The following CPEB3 variants were observed in gnomAD, a reference collection of about 807,000 sequenced individuals.
The protein encoded by CPEB3 is cytoplasmic polyadenylation element binding protein 3, also known as cytoplasmic polyadenylation element-binding protein 3.
A neutral mutation model predicts 67.2 loss-of-function variants in CPEB3; 20 were observed. The ratio of observed to expected loss-of-function variants is 0.30; its 90% CI spans 0.21 to 0.43. CPEB3 has a LOEUF of 0.43. Ranked by LOEUF, CPEB3 falls within the 20% of genes least tolerant of loss-of-function variation. The pLI is 1.00. For synonymous variants in CPEB3, 376 were observed against 393.1 expected (o/e 0.96, Z 0.51); for missense variants, 746 against 968.6 (o/e 0.77, Z 3.05).
chr10:92,141,487 G>C (rs1846418139), intron 6 of CPEB3, among the ~76,000 whole-genome samples: 2 of 151,144 alleles, frequency 1.3e-5, no homozygotes, highest in Admixed American at 6.6e-5. Flanking sequence ...GTTGTGGGGT[G>C]GGGGGATGGG....
At chr10:92,064,175 AT>A (rs912472739) in intron 9 of CPEB3, among the ~76,000 whole-genome samples, 2 of 152,196 alleles carry the variant, frequency 1.3e-5, no homozygotes, top group Non-Finnish European at 2.9e-5. Context: ...ACTTGAGGTC[AT>A]GGGTGTGAAG....
intron 4 of CPEB3, among the ~76,000 whole-genome samples, chr10:92,174,190 C>T (rs1371763023): frequency 6.6e-6 from 1 of 152,198 alleles, no homozygotes; most frequent in Non-Finnish European, 1.5e-5. Flanking sequence ...TCCCTCTCTG[C>T]CACTTCCTCT....
intron 1 of CPEB3, among the ~76,000 whole-genome samples, chr10:92,265,787 TTTC>T (rs1853028299): frequency 1.3e-5 from 2 of 151,228 alleles, no homozygotes; most frequent in African/African-American, 2.4e-5. Flanking sequence ...TGAAAAAAGT[TTTC>T]TTTTTTTTTT....
chr10:92,093,733 C>A (rs1203242765), intron 7 of CPEB3, among the ~76,000 whole-genome samples: 1 of 152,114 alleles, frequency 6.6e-6, no homozygotes, highest in Non-Finnish European at 1.5e-5. Context: ...AACTCTTGAC[C>A]TGAGGGGATC....
At chr10:92,061,045 C>G (rs765884562) in intron 9 of CPEB3, among the ~76,000 whole-genome samples, 1 of 152,124 alleles carries the variant, frequency 6.6e-6, no homozygotes, top group African/African-American at 2.4e-5. Context: ...ATCAGTCTAT[C>G]GAAGAGATAT....
chr10:92,227,809 T>C (rs1297059476), intron 2 of CPEB3, among the ~76,000 whole-genome samples: 1 of 152,170 alleles, frequency 6.6e-6, no homozygotes. Flanking sequence ...GCCAGGATGG[T>C]CTCGATCTCC....
chr10:92,132,253 C>T (rs575673083), intron 6 of CPEB3, among the ~76,000 whole-genome samples: 8 of 152,078 alleles, frequency 5.3e-5, no homozygotes, highest in South Asian at 4.2e-4. Context: ...ATTCTAAGAA[C>T]GCAAATCGAT....
intron 2 of CPEB3, 46 bp from the exon 3 acceptor site, chr10:92,192,682 A>G: frequency 4.2e-6 from 6 of 1,441,826 alleles, no homozygotes; most frequent in Non-Finnish European, 5.6e-6. Context: ...ATTACTTCAT[A>G]AAATTAACAC....
chr10:92,072,553 C>T (rs1842788767), intron 9 of CPEB3, among the ~76,000 whole-genome samples: 2 of 152,134 alleles, frequency 1.3e-5, no homozygotes, highest in South Asian at 4.1e-4. Context: ...GTTCTTATTA[C>T]CTCAGGATAA....
At chr10:92,152,266 TTTAATCCA>T (rs1847000542) in intron 4 of CPEB3, among the ~76,000 whole-genome samples, 1 of 152,228 alleles carries the variant, frequency 6.6e-6, no homozygotes, top group Non-Finnish European at 1.5e-5. Flanking sequence ...AATTGATCCA[TTTAATCCA>T]TTAGCAGTCA....
chr10:92,245,899 G>T (rs1852039053), intron 1 of CPEB3, among the ~76,000 whole-genome samples: 1 of 152,016 alleles, frequency 6.6e-6, no homozygotes, highest in South Asian at 2.1e-4. Context: ...TTAGCCAGAT[G>T]TGGTGGCAGG....
At chr10:92,172,904 AAC>A (rs1341973358) in intron 4 of CPEB3, among the ~76,000 whole-genome samples, 1 of 152,228 alleles carries the variant, frequency 6.6e-6, no homozygotes, top group African/African-American at 2.4e-5. Flanking sequence ...TATGTGTTAT[AAC>A]CATCTTTCAA....
intron 2 of CPEB3, among the ~76,000 whole-genome samples, chr10:92,233,313 G>A (rs374467673): frequency 2.6e-5 from 4 of 152,140 alleles, no homozygotes; most frequent in African/African-American, 7.2e-5. Flanking sequence ...CAGAGAACTC[G>A]AGGTCAGGAG....
chr10:92,078,742 C>A (rs1276530772), intron 9 of CPEB3, among the ~76,000 whole-genome samples: 1 of 152,120 alleles, frequency 6.6e-6, no homozygotes, highest in African/African-American at 2.4e-5. Context: ...CTAACAAAAG[C>A]AAAGCCATTT....
chr10:92,283,186 G>C (rs1366928434), intron 1 of CPEB3, among the ~76,000 whole-genome samples: 2 of 151,948 alleles, frequency 1.3e-5, no homozygotes, highest in Non-Finnish European at 2.9e-5. Flanking sequence ...CGGTAGGCAA[G>C]GCCACAGTGA....
At chr10:92,180,051 C>T (rs1458050461) in intron 4 of CPEB3, among the ~76,000 whole-genome samples, 1 of 152,128 alleles carries the variant, frequency 6.6e-6, no homozygotes, top group African/African-American at 2.4e-5. Flanking sequence ...GATTCAATGG[C>T]TTATACAGGT....
intron 8 of CPEB3, 87 bp from the exon 9 acceptor site, chr10:92,081,588 G>A: frequency 1.7e-6 from 2 of 1,176,338 alleles, no homozygotes; most frequent in Non-Finnish European, 2.4e-6. Context: ...TAGAGATCAT[G>A]CAATGTAATT....
At position 92,192,598 on chromosome 10, in the gene CPEB3, C is replaced by A. The variant is rs370861375; in HGVS notation, c.1044G>T (p.Ser348=). ...TCATATCCATTAAGGAGTTCTCCAA[C>A]GAGTGCAAGTTAAAAGTATCATAGG... ...SRPYDTFNLH[S]LENSLMDMIR... Residue 348 remains serine (S), a synonymous_variant, in exon 3 of 10, where the codon TCG becomes TCT. Transcript: ENST00000265997. 19 of 1,612,610 alleles carry A rather than the reference C, an allele frequency of 1.2e-5. No homozygotes were observed. Among genetic ancestry groups the A allele is most frequent in the Admixed American group, 1.7e-5 (1 of 59,872 alleles).
chr10:92,253,469 A>C lies in CPEB3; in HGVS notation c.-11-13108T>G, dbSNP rs1243073403. On this transcript the variant is annotated intron_variant, in intron 1 of 9. Transcript: ENST00000265997. Reference sequence around the variant, plus strand: ...GCAAGACTCTGTCTCAAAACAAAAAAAAAAAAAAAAAAAAAGAAAAGAAAG... The same window carrying C: ...GCAAGACTCTGTCTCAAAACAAAAACAAAAAAAAAAAAAAAGAAAAGAAAG... Among the ~76,000 whole-genome samples the C allele has an allele frequency of 2.0e-5, 3 of 150,348 alleles. No individual in the cohort carries two copies. In the East Asian group the frequency reaches 5.8e-4, roughly 29 times the overall value.
Sources: allele counts gnomAD v4.1 joint callset (sites outside exome capture counted in the v4.1 genomes callset), GRCh38; gene constraint gnomAD v4.1.1; transcripts MANE v1.5; gene names NCBI Gene and HGNC (gene_info 2026-07-23, HGNC 2026-07-21).